NEK9: variants seen among roughly 807,000 people sequenced by gnomAD.
NEK9 encodes NIMA related kinase 9.
NEK9 carries 75 observed loss-of-function variants against 123.4 expected under a neutral mutation model. The ratio of observed to expected loss-of-function variants is 0.61; its 90% confidence interval spans 0.50 to 0.74. NEK9 has a LOEUF of 0.74. Among genes scored for constraint, NEK9 ranks in the 30% least tolerant of loss-of-function variants. The pLI, the probability that NEK9 is intolerant of heterozygous loss-of-function variation, is 0.00. For synonymous variants in NEK9, 438 were observed against 458.7 expected (o/e 0.95, Z 0.58); for missense variants, 952 against 1,214.4 (o/e 0.78, Z 3.21).
In NEK9 at chr14:75,087,010, G is replaced by A; in HGVS notation, c.2817+8C>T. 6.2e-7 allele frequency: 1 copy of A among 1,611,872 alleles called. No individual in the cohort carries two copies. The highest frequency in any genetic ancestry group is 1.1e-5 in the South Asian group (1 of 91,014). On this transcript the variant is annotated splice_region_variant and intron_variant, in intron 21 of 21. Coordinates refer to ENST00000238616, the MANE Select transcript of NEK9 (RefSeq NM_033116.6). Reference sequence around the variant, plus strand: ...TTAGAAATTGGATTATTCTTTTAATGCTCTCACCTGCTGCCCTCCTTCTAA... The same window carrying A: ...TTAGAAATTGGATTATTCTTTTAATACTCTCACCTGCTGCCCTCCTTCTAA...
intron 1 of NEK9, among the ~76,000 whole-genome samples, chr14:75,124,810 A>C (rs1594856204): frequency 7.3e-6 from 1 of 137,772 alleles, no homozygotes; most frequent in Admixed American, 7.6e-5. Context: ...ATAGGGTCTC[A>C]CTCTGTTGCC....
chr14:75,126,620 C>T (rs971737282), intron 1 of NEK9, 83 bp downstream of exon 1: 1 of 1,142,784 alleles, frequency 8.8e-7, no homozygotes, highest in Non-Finnish European at 1.2e-6. Context: ...AAGCTCACGA[C>T]GCTGGGAAAG....
rs1057518379 is a variant in NEK9 at position 75,113,369 on chromosome 14, A to G, written c.908T>C (p.Leu303Pro). 6.2e-7 allele frequency: 1 copy of G among 1,613,920 alleles called. No individual in the cohort carries two copies. The highest frequency in any genetic ancestry group is 8.5e-7 in the Non-Finnish European group (1 of 1,179,782). ...PEQRPTADEL[L>P]DRPLLRKRRR... is the part of the protein sequence containing the mutation. The stretch of plus-strand genomic sequence containing the variant: ...GCGTTTCCTGAGAAGAGGGCGATCT[A>G]GAAGTTCATCTGCAGTAGGTCTCTG... The change falls in exon 8 of 22, where the codon CTA becomes CCA. Residue 303 changes from leucine to proline, a missense_variant. Physicochemically the swap from Leu to Pro is moderately conservative, Grantham distance 98 (BLOSUM62 -3). Coordinates refer to ENST00000238616, the MANE Select transcript of NEK9 (RefSeq NM_033116.6).
Position 75,114,244 on chromosome 14 carries a change from A to C in NEK9, c.832T>G (p.Ser278Ala). The C allele has an allele frequency of 1.2e-6, 2 of 1,614,118 alleles. No homozygotes were observed. The highest frequency in any genetic ancestry group is 1.6e-4 in the Middle Eastern group (1 of 6,062). The stretch of plus-strand genomic sequence containing the variant: ...TGAACCATTTGGATCAATTCCAAAG[A>C]GTACTGGCTAGAGTCAACTTCCATG... ...RAMEVDSSQY[S>A]LELIQMVHSC... The change falls in exon 7 of 22, where the codon TCT becomes GCT. Residue 278 changes from serine (S) to alanine (A), a missense_variant. Transcript: ENST00000238616.
At chr14:75,116,122 A>G (rs2139793177) in intron 6 of NEK9, among the ~76,000 whole-genome samples, 1 of 152,350 alleles carries the variant, frequency 6.6e-6, no homozygotes, top group African/African-American at 2.4e-5. Context: ...TGTTTACAAG[A>G]TAGAATAAAG....
upstream of NEK9, chr14:75,127,079 T>G (rs918750715): frequency 2.1e-5 from 12 of 582,692 alleles, no homozygotes; most frequent in Non-Finnish European, 3.2e-5. Flanking sequence ...GAAACAGTTC[T>G]CTGTGTTTCC....
chr14:75,106,775 T>A, intron 11 of NEK9, 73 bp from the exon 12 acceptor site: 2 of 1,206,116 alleles, frequency 1.7e-6, no homozygotes, highest in Non-Finnish European at 2.4e-6. Flanking sequence ...TGGGCAGGGC[T>A]GGAATGAGGA....
At chr14:75,092,118 T>C (rs1894237772) in intron 18 of NEK9, among the ~76,000 whole-genome samples, 1 of 151,906 alleles carries the variant, frequency 6.6e-6, no homozygotes, top group African/African-American at 2.4e-5. Flanking sequence ...TAGCTGGGAT[T>C]ACAGGCACAC....
intron 16 of NEK9, among the ~76,000 whole-genome samples, chr14:75,097,725 CAA>C (rs1030193613): frequency 2.6e-5 from 4 of 152,038 alleles, no homozygotes; most frequent in African/African-American, 7.2e-5. Context: ...TAAGTGGAAA[CAA>C]AGAGTAACAG....
At chr14:75,121,291 C>A in intron 2 of NEK9, 117 bp from the exon 3 acceptor site, 1 of 683,154 alleles carries the variant, frequency 1.5e-6, no homozygotes. Flanking sequence ...TCTCCATAGG[C>A]AACTACTTCT....
chr14:75,099,702 A>G (rs1342324500), intron 16 of NEK9, among the ~76,000 whole-genome samples: 1 of 151,358 alleles, frequency 6.6e-6, no homozygotes, highest in Non-Finnish European at 1.5e-5. Context: ...GAATCGCTTG[A>G]ACCTGGGAGG....
At chr14:75,120,605 G>A in intron 3 of NEK9, 25 bp from the exon 4 acceptor site, 1 of 1,578,036 alleles carries the variant, frequency 6.3e-7, no homozygotes, top group Non-Finnish European at 8.7e-7. Flanking sequence ...TAAATATTTG[G>A]ATTAGAAACA....
chr14:75,091,290 A>T lies in NEK9; in HGVS notation c.2422T>A (p.Cys808Ser). ...MGNSNGASSS[C>S]PGWLRKELEN... ...ATTACCTTTCGAAGCCAGCCAGGAC[A>T]GGAGCTGCTGGCCCCATTACTGTTC... Residue 808 changes from cysteine to serine, a missense_variant, in exon 19 of 22, where the codon TGT (cysteine) becomes AGT (serine). Cys to Ser is a moderately radical substitution (Grantham distance 112). Transcript: ENST00000238616. 6.2e-7 allele frequency: 1 copy of T among 1,611,732 alleles called. No individual in the cohort carries two copies. The highest frequency in any genetic ancestry group is 8.5e-7 in the Non-Finnish European group (1 of 1,178,900).
At chr14:75,102,871 G>A (rs78938513) in intron 14 of NEK9, among the ~76,000 whole-genome samples, 26 of 152,012 alleles carry the variant, frequency 1.7e-4, no homozygotes, top group African/African-American at 6.3e-4. Context: ...CCATAAAAAA[G>A]GATGAGTTCA....
chr14:75,105,879 G>A, intron 13 of NEK9, 71 bp downstream of exon 13: 1 of 1,195,378 alleles, frequency 8.4e-7, no homozygotes, highest in Non-Finnish European at 1.2e-6. Flanking sequence ...CAGAGCCAAG[G>A]AAAGAGGACA....
chr14:75,093,196 T>C (rs929802193), intron 18 of NEK9, among the ~76,000 whole-genome samples: 1 of 152,100 alleles, frequency 6.6e-6, no homozygotes, highest in Non-Finnish European at 1.5e-5. Context: ...CTCTCTGGAG[T>C]GCTCAATAGC....
At chr14:75,091,719 CTT>C in intron 18 of NEK9, 1 of 405,226 alleles carries the variant, frequency 2.5e-6, no homozygotes, top group Non-Finnish European at 4.3e-6. Context: ...CATTTACCAA[CTT>C]TGTTTATCTT....
rs778717253 is a variant in NEK9, at chr14:75,106,544, T to C, written c.1486A>G (p.Thr496Ala). Residue 496 changes from threonine (T) to alanine (A), a missense_variant, in exon 12 of 22, where the codon ACA (threonine) becomes GCA (alanine). By Grantham distance (58) the Thr-to-Ala change is moderately conservative (BLOSUM62 0). Around this residue, in one of 4 missense-constraint regions of NEK9, gnomAD observed 698 missense variants for 875.6 expected, o/e 0.80. Transcript: ENST00000238616. ...CAAGAATAGACTTCCTTGTTTCGTG[T>C]CAGAACCACCACATGATTATCTCCA... The part of the protein sequence containing the change: ...SCGDNHVVVL[T>A]RNKEVYSWGC... The C allele has an allele frequency of 8.7e-6, 14 of 1,614,060 alleles. No individual in the cohort carries two copies. The highest frequency in any genetic ancestry group is 1.6e-4 in the Middle Eastern group (1 of 6,062).
At chr14:75,102,403 A>G (rs896532110) in intron 14 of NEK9, among the ~76,000 whole-genome samples, 3 of 152,014 alleles carry the variant, frequency 2.0e-5, no homozygotes, top group African/African-American at 7.3e-5. Flanking sequence ...GCTGGAGTGC[A>G]GTGGCGCGGT....
Sources: gnomAD v4.1 joint callset for allele counts (sites outside exome capture counted in the v4.1 genomes callset) on GRCh38, gnomAD v4.1.1 for gene constraint, gnomAD v4.1.1 regional missense constraint, MANE v1.5 for transcripts, NCBI Gene and HGNC (gene_info 2026-07-23, HGNC 2026-07-21) for gene names.